SEMA4B: variants seen among roughly 807,000 people sequenced by gnomAD.
SEMA4B encodes semaphorin-4B.
SEMA4B carries 55 observed loss-of-function variants against 88.1 expected under a neutral mutation model. The ratio of observed to expected loss-of-function variants is 0.62; its 90% CI spans 0.50 to 0.78. The LOEUF is 0.78. Ranked by LOEUF, SEMA4B falls within the 30% of genes least tolerant of loss-of-function variation. SEMA4B has a pLI of 0.00. For missense variants in SEMA4B, 1,062 were observed against 1,111.9 expected, an observed-to-expected ratio of 0.96 and a Z score of 0.64; for synonymous variants, 525 against 473.6, an observed-to-expected ratio of 1.11 and a Z score of -1.41.
At chr15:90,219,595 C>A in intron 3 of SEMA4B, 198 bp from the exon 4 acceptor site, 1 of 549,854 alleles carries the variant, frequency 1.8e-6, no homozygotes. Flanking sequence ...AGCCCCTGGG[C>A]TCCCTGCAGC....
rs904162486 is a variant in SEMA4B, at chr15:90,194,425, G to A, written c.-121-7033G>A. Among the ~76,000 whole-genome samples, 7 of 151,990 alleles carry A rather than the reference G, an allele frequency of 4.6e-5. No individual in the cohort carries two copies. In the East Asian group the frequency reaches 9.7e-4, roughly 21 times the overall value. ...CGCATGTTTGTAATCCCAGCTACTCGGGAGGCTGAGGCAGGAGAATCGCTT... is the reference window on the plus strand; with the variant it reads ...CGCATGTTTGTAATCCCAGCTACTCAGGAGGCTGAGGCAGGAGAATCGCTT... On this transcript the variant is annotated intron_variant, in intron 1 of 14. Transcript: ENST00000332496.
rs1433034147 is a variant in SEMA4B, at chr15:90,212,904, C to T, written c.158-4535C>T. Among the ~76,000 whole-genome samples the T allele has an allele frequency of 3.3e-5, 5 of 152,146 alleles. No individual in the cohort carries two copies. In the South Asian group the frequency reaches 8.3e-4, roughly 25 times the overall value. ...AAGTTAGAATCGCCCAGGCTAAGTT[C>T]GTGAACCCCCTGGATGAGGGAGGCC... On this transcript the variant is annotated intron_variant, in intron 1 of 13. Transcript: ENST00000411539. The surrounding 1 kb of genome is among the most constrained non-coding windows in gnomAD (Gnocchi z 4.0).
chr15:90,211,759 C>T (rs758292184), intron 1 of SEMA4B, among the ~76,000 whole-genome samples: 7 of 152,258 alleles, frequency 4.6e-5, no homozygotes, highest in South Asian at 2.1e-4. Flanking sequence ...CTTGTCCCGC[C>T]CAGACCCCTC....
intron 3 of SEMA4B, 61 bp from the exon 4 acceptor site, chr15:90,219,732 C>G (rs954377466): frequency 3.0e-6 from 4 of 1,342,462 alleles, no homozygotes; most frequent in East Asian, 2.3e-5. Context: ...GGGGGCTCGG[C>G]GGTGCCCCCT....
chr15:90,225,055 C>G lies in SEMA4B; in HGVS notation c.1282C>G (p.Leu428Val), dbSNP rs1290294160. 1.2e-6 allele frequency: 2 copies of G among 1,613,916 alleles called. No individual in the cohort carries two copies. Among genetic ancestry groups the G allele is most frequent in the Non-Finnish European group, 8.5e-7 (1 of 1,179,832 alleles). The part of the protein sequence containing the change: ...RVLNFLKDHF[L>V]MDGQVRSRML... ...GCTGAACTTCCTCAAGGACCACTTC[C>G]TGATGGACGGGCAGGTCCGAAGCCG... The change falls in exon 10 of 14, where the codon CTG (leucine) becomes GTG (valine). Residue 428 changes from leucine to valine, a missense_variant. Transcript: ENST00000411539.
rs1567060421 is a variant in SEMA4B at position 90,223,735 on chromosome 15, C to G, written c.1038C>G (p.Ser346=). 1.2e-6 allele frequency: 2 copies of G among 1,605,566 alleles called. No homozygotes were observed. The highest frequency in any genetic ancestry group is 1.7e-6 in the Non-Finnish European group (2 of 1,173,626). Residue 346 remains serine (S), a synonymous_variant, in exon 8 of 14, where the codon TCC becomes TCG. Coordinates refer to ENST00000411539, the MANE Select transcript of SEMA4B (RefSeq NM_198925.4). ...RDTLFYGVFT[S]QWHRGTTEGS... is the part of the protein sequence containing the mutation. ...CCCTTTTCTATGGGGTCTTCACTTC[C>G]CAGTGGTAGGGCCTCCAGACCTCGC... is the stretch of plus-strand genomic sequence containing the variant.
chr15:90,207,252 C>T (rs901889020), intron 1 of SEMA4B, among the ~76,000 whole-genome samples: 12 of 152,180 alleles, frequency 7.9e-5, no homozygotes, highest in African/African-American at 2.9e-4. Flanking sequence ...CATCTGGAAG[C>T]CCATCCTGTA....
chr15:90,186,573 G>A (rs139785046), intron 1 of SEMA4B, among the ~76,000 whole-genome samples: 1 of 152,138 alleles, frequency 6.6e-6, no homozygotes, highest in Non-Finnish European at 1.5e-5. Context: ...AGCCAGCCGA[G>A]ATTGTGATTG....
rs778002500 is a variant in SEMA4B, at chr15:90,227,976, A to G, written c.1847A>G (p.Asn616Ser). 11 of 1,613,616 alleles carry G rather than the reference A, an allele frequency of 6.8e-6. No individual in the cohort carries two copies. Among genetic ancestry groups the G allele is most frequent in the Non-Finnish European group, 9.3e-6 (11 of 1,179,854 alleles). The stretch of plus-strand genomic sequence containing the variant: ...ACTTTGGCCTGCCCGCTCCTCTCCA[A>G]CCTGGCGACCCGACTCTGGCTACGC... The part of the protein sequence containing the change: ...VNTLACPLLS[N>S]LATRLWLRNG... Residue 616 changes from asparagine to serine, a missense_variant, in exon 14 of 14, where the codon AAC becomes AGC. Asn to Ser is a conservative substitution (Grantham distance 46). Transcript: ENST00000411539.
intron 12 of SEMA4B, 62 bp from the exon 13 acceptor site, chr15:90,227,495 G>A (rs758234757): frequency 6.6e-7 from 1 of 1,505,870 alleles, no homozygotes; most frequent in Admixed American, 1.8e-5. Context: ...TGCAGTGAGG[G>A]GTGAGGGAAT....
At chr15:90,194,437 CAGG>C (rs1287134427) in intron 1 of SEMA4B, among the ~76,000 whole-genome samples, 1 of 151,946 alleles carries the variant, frequency 6.6e-6, no homozygotes, top group African/African-American at 2.4e-5. Context: ...GAGGCTGAGG[CAGG>C]AGAATCGCTT....
At chr15:90,195,872 A>G (rs1960482818) in intron 1 of SEMA4B, among the ~76,000 whole-genome samples, 2 of 151,078 alleles carry the variant, frequency 1.3e-5, no homozygotes, top group Non-Finnish European at 2.9e-5. Flanking sequence ...GGCATCCCAA[A>G]ATGCTAGGAT....
At chr15:90,206,283 C>T (rs530492891) in intron 1 of SEMA4B, among the ~76,000 whole-genome samples, 7 of 152,294 alleles carry the variant, frequency 4.6e-5, no homozygotes, top group Admixed American at 4.6e-4. Context: ...GCAACAGGAA[C>T]AACACAACGC....
chr15:90,205,554 A>C (rs1960947328), intron 1 of SEMA4B, among the ~76,000 whole-genome samples: 1 of 152,240 alleles, frequency 6.6e-6, no homozygotes, highest in Non-Finnish European at 1.5e-5. Flanking sequence ...GCAAGAGAGG[A>C]ATAATGGCCA....
In SEMA4B at chr15:90,225,826, A is replaced by C. The variant is rs1357539115; in HGVS notation, c.1687A>C (p.Arg563=). 1.6e-5 allele frequency: 24 copies of C among 1,522,442 alleles called. No homozygotes were observed. The highest frequency in any genetic ancestry group is 2.1e-5 in the Non-Finnish European group (24 of 1,135,808). The allele number at this position is 1,522,442 out of a possible 1,614,324, so 94.3% of individuals were successfully genotyped here. ...VSLYQPQLAT[R]PWIQDIEGAS... ...CCTCTACCAGCCTCAGCTGGCCACCAGGTGAGCACTCCCAAAGGCCCCTTC... is the reference window on the plus strand; with the variant it reads ...CCTCTACCAGCCTCAGCTGGCCACCCGGTGAGCACTCCCAAAGGCCCCTTC... Residue 563 remains arginine (R), a splice_region_variant and synonymous_variant, in exon 12 of 14, where the codon AGG becomes CGG. Transcript: ENST00000411539.
chr15:90,201,619 C>T lies in SEMA4B; in HGVS notation c.41C>T (p.Ala14Val). 1 of 1,518,068 alleles carries T rather than the reference C, an allele frequency of 6.6e-7. No individual in the cohort carries two copies. Among genetic ancestry groups the T allele is most frequent in the Non-Finnish European group, 8.8e-7 (1 of 1,140,778 alleles). 94.0% of individuals were successfully genotyped at this position (1,518,068 alleles called of 1,614,324 possible). A position where few individuals can be genotyped will look rare whatever the true frequency, so the allele number is the denominator to read the frequency against. ...TAMGLRSWLAAPWGALPPRPP... is the reference protein window; with the variant it reads ...TAMGLRSWLAVPWGALPPRPP... ...ATGGGCCTGAGGAGCTGGCTCGCCG[C>T]CCCATGGGGCGCGCTGCCGCCTCGG... The change falls in exon 1 of 14, where the codon GCC (alanine) becomes GTC (valine). Residue 14 changes from alanine (A) to valine (V), a missense_variant. Physicochemically the swap from Ala to Val is moderately conservative, Grantham distance 64. Transcript: ENST00000411539.
upstream of SEMA4B, among the ~76,000 whole-genome samples, chr15:90,197,810 C>T (rs1265184457): frequency 6.6e-6 from 1 of 151,950 alleles, no homozygotes; most frequent in African/African-American, 2.4e-5. Flanking sequence ...CAGATGACCC[C>T]ATACTGGAAG....
chr15:90,224,910 G>A (rs1596158325), intron 9 of SEMA4B, 58 bp from the exon 10 acceptor site: 24 of 1,453,662 alleles, frequency 1.7e-5, no homozygotes, highest in South Asian at 9.1e-5. Flanking sequence ...AGCAGGGCCC[G>A]CATCCTGCCT....
chr15:90,226,538 A>G (rs1962180581), intron 12 of SEMA4B, among the ~76,000 whole-genome samples: 1 of 152,072 alleles, frequency 6.6e-6, no homozygotes, highest in Non-Finnish European at 1.5e-5. Flanking sequence ...GCAGGGTTTC[A>G]CCATGTTGGC....
Sources: allele counts gnomAD v4.1 joint callset (sites outside exome capture counted in the v4.1 genomes callset), GRCh38; gene constraint gnomAD v4.1.1; non-coding constraint Gnocchi (gnomAD v3.1); transcripts MANE v1.5; gene names NCBI Gene and HGNC (gene_info 2026-07-23, HGNC 2026-07-21).